The following ITSN2 variants were observed in gnomAD, a reference collection of about 807,000 sequenced individuals.
ITSN2 encodes intersectin-2.
ITSN2 carries 156 observed loss-of-function variants against 243.7 expected under a neutral mutation model. The observed-to-expected ratio is 0.64, with a 90% confidence interval of 0.56 to 0.73. The LOEUF is 0.73. ITSN2 is among the 30% of genes least tolerant of loss of function. The pLI is 0.00. For synonymous variants in ITSN2, 703 were observed against 699.9 expected (o/e 1.00, Z -0.07); for missense variants, 1,801 against 1,996.1 (o/e 0.90, Z 1.86).
At chr2:24,317,757 G>A (rs1684097967) in intron 2 of ITSN2, among the ~76,000 whole-genome samples, 1 of 152,224 alleles carries the variant, frequency 6.6e-6, no homozygotes, top group South Asian at 2.1e-4. Context: ...CTCTGATTTA[G>A]ACTGAAATCA....
intron 1 of ITSN2, among the ~76,000 whole-genome samples, chr2:24,345,827 A>G (rs1687474650): frequency 6.6e-6 from 1 of 152,120 alleles, no homozygotes; most frequent in South Asian, 2.1e-4. Context: ...CATTATACCA[A>G]TTTAAATTTG....
In ITSN2 at chr2:24,261,544, G is replaced by C; in HGVS notation, c.2537+17C>G. 6.3e-7 allele frequency: 1 copy of C among 1,584,708 alleles called. No individual in the cohort carries two copies. Among genetic ancestry groups the C allele is most frequent in the Non-Finnish European group, 8.6e-7 (1 of 1,156,800 alleles). On this transcript the variant is annotated intron_variant, in intron 21 of 39. Transcript: ENST00000355123. ...TTTGCAGATCTATATAAACTTTACT[G>C]TTAGCTAAAAACTTACTCAGAGGAA... is the stretch of plus-strand genomic sequence containing the variant.
At chr2:24,224,219 C>T (rs1351306785) in intron 29 of ITSN2, among the ~76,000 whole-genome samples, 1 of 152,246 alleles carries the variant, frequency 6.6e-6, no homozygotes, top group Non-Finnish European at 1.5e-5. Flanking sequence ...TTACAAACTT[C>T]ATGTTCTGCT....
rs754160618 is a variant in ITSN2, at chr2:24,301,984, G to A, written c.976C>T (p.Leu326Phe). The A allele has an allele frequency of 6.2e-6, 10 of 1,610,406 alleles. No individual in the cohort carries two copies. Among genetic ancestry groups the A allele is most frequent in the Non-Finnish European group, 8.5e-6 (10 of 1,177,994 alleles). Residue 326 changes from leucine to phenylalanine, a missense_variant, in exon 10 of 40, where the codon CTT becomes TTT. Around this residue, in one of 5 missense-constraint regions of ITSN2, gnomAD observed 787 missense variants for 803.9 expected, o/e 0.98. Transcript: ENST00000355123. ...QPLPLTLPPE[L>F]VPPSFRGGKQ... ...ACTCACCTGAAAGATGGAGGAACAA[G>A]CTCAGGAGGTAAAGTCAGTGGTAAT...
chr2:24,299,828 TAAG>T lies in ITSN2; in HGVS notation c.1344+78_1344+80del. 8.0e-6 allele frequency: 10 copies of T among 1,245,830 alleles called. No individual in the cohort carries two copies. The South Asian group carries it at 1.5e-4, about 19-fold the overall frequency. 77.2% of individuals were successfully genotyped at this position (1,245,830 alleles called of 1,614,324 possible). On this transcript the variant is annotated intron_variant, in intron 12 of 39. Coordinates refer to ENST00000355123, the MANE Select transcript of ITSN2 (RefSeq NM_006277.3). The stretch of plus-strand genomic sequence containing the variant: ...AAAAGGCAAAACAAAAATTCAAAAA[TAAG>T]CATTTTTTAATCAAATGAAATATAG...
At position 24,302,085 on chromosome 2, in the gene ITSN2, T is replaced by C; in HGVS notation, c.875A>G (p.Asp292Gly). ...TTCTGCTTTTAGCTGTCCATCACCATCAACGTCAGCCAGAGTCCTAAAGAA... is the reference window on the plus strand; with the variant it reads ...TTCTGCTTTTAGCTGTCCATCACCACCAACGTCAGCCAGAGTCCTAAAGAA... ...LATIWTLADV[D>G]GDGQLKAEEF... is the part of the protein sequence containing the mutation. Residue 292 changes from aspartate to glycine, a missense_variant, in exon 10 of 40, where the codon GAT (aspartate) becomes GGT (glycine). Asp to Gly is a moderately conservative substitution (Grantham distance 94). Around this residue, in one of 5 missense-constraint regions of ITSN2, gnomAD observed 787 missense variants for 803.9 expected, o/e 0.98. Coordinates refer to ENST00000355123, the MANE Select transcript of ITSN2 (RefSeq NM_006277.3). 2 of 1,609,326 alleles carry C rather than the reference T, an allele frequency of 1.2e-6. No individual in the cohort carries two copies. Among genetic ancestry groups the C allele is most frequent in the Non-Finnish European group, 8.5e-7 (1 of 1,177,544 alleles).
chr2:24,279,726 CTTTTTTTTTTTTT>C (rs955431908), intron 17 of ITSN2, among the ~76,000 whole-genome samples: 2 of 78,300 alleles, frequency 2.6e-5, no homozygotes, highest in African/African-American at 1.1e-4. Flanking sequence ...TGTGAATTTT[CTTTTTTTTTTTTT>C]TTTTTTTTTT....
intron 17 of ITSN2, among the ~76,000 whole-genome samples, chr2:24,276,684 C>CA (rs1221749471): frequency 6.6e-6 from 1 of 152,230 alleles, no homozygotes; most frequent in Non-Finnish European, 1.5e-5. Flanking sequence ...CTGCCAAACT[C>CA]AGAGCTCCTC....
chr2:24,336,229 G>C (rs1178470424), intron 1 of ITSN2, among the ~76,000 whole-genome samples: 1 of 141,278 alleles, frequency 7.1e-6, no homozygotes, highest in Non-Finnish European at 1.5e-5. Flanking sequence ...GCCACAGAGC[G>C]AGACTCTGTC....
chr2:24,320,133 T>C (rs557047779), intron 2 of ITSN2, among the ~76,000 whole-genome samples: 1 of 152,210 alleles, frequency 6.6e-6, no homozygotes, highest in East Asian at 1.9e-4. Context: ...TCCCAGTATT[T>C]TGGGAGGCTG....
intron 15 of ITSN2, among the ~76,000 whole-genome samples, chr2:24,287,764 G>A (rs1679702518): frequency 1.3e-5 from 2 of 152,024 alleles, no homozygotes; most frequent in Admixed American, 6.5e-5. Context: ...ATATTTCAAT[G>A]TGGTTTAGAT....
intron 1 of ITSN2, among the ~76,000 whole-genome samples, chr2:24,338,689 G>C (rs1055344570): frequency 6.6e-6 from 1 of 151,948 alleles, no homozygotes; most frequent in Admixed American, 6.6e-5. Flanking sequence ...AACATGAATG[G>C]TCATTATAAT....
intron 1 of ITSN2, among the ~76,000 whole-genome samples, chr2:24,336,241 CAAAAAAAAA>C (rs756236002): frequency 4.2e-5 from 2 of 48,004 alleles, no homozygotes; most frequent in African/African-American, 7.7e-5. Context: ...GACTCTGTCT[CAAAAAAAAA>C]AAAAAAAAAA....
chr2:24,299,987 T>C lies in ITSN2; in HGVS notation c.1266A>G (p.Leu422=), dbSNP rs1014381835. 3 of 1,614,046 alleles carry C rather than the reference T, an allele frequency of 1.9e-6. No individual in the cohort carries two copies. Among genetic ancestry groups the C allele is most frequent in the Non-Finnish European group, 2.5e-6 (3 of 1,179,982 alleles). The change falls in exon 12 of 40, where the codon TTA becomes TTG. Residue 422 remains leucine (L), a synonymous_variant. Coordinates refer to ENST00000355123, the MANE Select transcript of ITSN2 (RefSeq NM_006277.3). ...QEQEWKKQLE[L]EKRLEKQREL... ...CCCGTTGCTTCTCTAAGCGTTTTTCTAATTCAAGTTGTTTCTTCCATTCTT... is the reference window on the plus strand; with the variant it reads ...CCCGTTGCTTCTCTAAGCGTTTTTCCAATTCAAGTTGTTTCTTCCATTCTT...
At chr2:24,316,573 G>A (rs770407307) in intron 2 of ITSN2, among the ~76,000 whole-genome samples, 1 of 152,164 alleles carries the variant, frequency 6.6e-6, no homozygotes, top group Non-Finnish European at 1.5e-5. Flanking sequence ...AAGCCACCAC[G>A]CCCAGACAGT....
At chr2:24,339,964 A>T (rs1241975163) in intron 1 of ITSN2, among the ~76,000 whole-genome samples, 2 of 152,050 alleles carry the variant, frequency 1.3e-5, no homozygotes, top group Admixed American at 6.6e-5. Context: ...TGAGCCCGGG[A>T]GTTCAAGGTT....
At chr2:24,301,718 G>A (rs957372910) in intron 10 of ITSN2, among the ~76,000 whole-genome samples, 2 of 151,800 alleles carry the variant, frequency 1.3e-5, no homozygotes, top group African/African-American at 4.8e-5. Context: ...TAGATACGGG[G>A]TCTCACTATG....
chr2:24,229,569 A>G (rs2151194186), intron 29 of ITSN2, among the ~76,000 whole-genome samples: 1 of 152,334 alleles, frequency 6.6e-6, no homozygotes, highest in African/African-American at 2.4e-5. Context: ...AGCCTGGGTG[A>G]CAGAGTAAGA....
At chr2:24,234,758 G>A (rs979671439) in intron 29 of ITSN2, among the ~76,000 whole-genome samples, 3 of 152,168 alleles carry the variant, frequency 2.0e-5, no homozygotes, top group Admixed American at 6.5e-5. Flanking sequence ...TGCATCATAC[G>A]TTGTTGGGAA....
Sources: allele counts gnomAD v4.1 joint callset (sites outside exome capture counted in the v4.1 genomes callset), GRCh38; gene constraint gnomAD v4.1.1; regional missense constraint gnomAD v4.1.1; transcripts MANE v1.5; gene names NCBI Gene and HGNC (gene_info 2026-07-23, HGNC 2026-07-21).